THBS2: variants seen among roughly 807,000 people sequenced by gnomAD.
The protein encoded by THBS2 is thrombospondin-2.
A neutral mutation model predicts 135.2 loss-of-function variants in THBS2; 47 were observed. The ratio of observed to expected loss-of-function variants is 0.35; its 90% CI spans 0.28 to 0.44. The LOEUF is 0.44. THBS2 is among the 20% of genes least tolerant of loss of function. The pLI, the probability that THBS2 is intolerant of heterozygous loss-of-function variation, is 1.00. For synonymous variants in THBS2, 639 were observed against 633.8 expected, an observed-to-expected ratio of 1.01 and a Z score of -0.12; for missense variants, 1,288 against 1,603.1, an observed-to-expected ratio of 0.80 and a Z score of 3.36.
In THBS2 at chr6:169,225,304, T is replaced by G. The variant is rs745911024; in HGVS notation, c.2614A>C (p.Asn872His). Residue 872 changes from asparagine to histidine, a missense_variant, in exon 17 of 22, where the codon AAC becomes CAC. Around this residue, in one of 2 missense-constraint regions of THBS2, gnomAD observed 874 missense variants for 1,156.1 expected, o/e 0.76. Transcript: ENST00000617924. The part of the protein sequence containing the change: ...EDIDDDGHQN[N>H]QDNCPYISNA... ...GAGATGTAGGGGCAGTTGTCCTGGT[T>G]GTTCTGGTGGCCGTCGTCATCTATG... The G allele has an allele frequency of 3.8e-6, 6 of 1,592,416 alleles. No individual in the cohort carries two copies. Among genetic ancestry groups the G allele is most frequent in the Non-Finnish European group, 3.4e-6 (4 of 1,169,096 alleles).
chr6:169,227,190 G>A (rs1779660305), intron 15 of THBS2, among the ~76,000 whole-genome samples: 1 of 152,170 alleles, frequency 6.6e-6, no homozygotes, highest in South Asian at 2.1e-4. Context: ...GCTGGCGCCG[G>A]GCTGGGAAGA....
At position 169,240,517 on chromosome 6, in the gene THBS2, C is replaced by A. The variant is rs764690862; in HGVS notation, c.967G>T (p.Asp323Tyr). ...KTRNMSACWQ[D>Y]GRFFAENETW... The stretch of plus-strand genomic sequence containing the variant: ...TCATTTTCCGCAAAGAACCGGCCAT[C>A]CTGCCAGCAAGCTGACATGTTCCTT... The change falls in exon 6 of 22, where the codon GAT (aspartate) becomes TAT (tyrosine). Residue 323 changes from aspartate (D) to tyrosine (Y), a missense_variant. Transcript: ENST00000617924. The A allele has an allele frequency of 2.3e-5, 37 of 1,614,000 alleles. No homozygotes were observed. The highest frequency in any genetic ancestry group is 3.1e-5 in the Non-Finnish European group (37 of 1,180,024).
chr6:169,223,994 G>C (rs879380282), intron 17 of THBS2, among the ~76,000 whole-genome samples: 2 of 152,182 alleles, frequency 1.3e-5, no homozygotes, highest in Admixed American at 6.5e-5. Flanking sequence ...TTGTGGCATG[G>C]TGGGGAGTGG....
chr6:169,246,123 A>C, intron 4 of THBS2, 74 bp downstream of exon 4: 1 of 1,302,000 alleles, frequency 7.7e-7, no homozygotes, highest in East Asian at 2.3e-5. Flanking sequence ...ACATACACAC[A>C]CACACATACA....
intron 14 of THBS2, among the ~76,000 whole-genome samples, chr6:169,229,260 T>C (rs1779748624): frequency 6.6e-6 from 1 of 152,266 alleles, no homozygotes; most frequent in Non-Finnish European, 1.5e-5. Context: ...CTATCACTCA[T>C]GGTGGTGTCA....
chr6:169,249,811 A>C (rs1360860487), intron 2 of THBS2, among the ~76,000 whole-genome samples: 1 of 152,142 alleles, frequency 6.6e-6, no homozygotes, highest in Non-Finnish European at 1.5e-5. Flanking sequence ...TGGGTGGATC[A>C]TGAGGTCAGG....
intron 14 of THBS2, 85 bp from the exon 15 acceptor site, chr6:169,228,366 A>G (rs1583408464): frequency 6.8e-7 from 1 of 1,477,576 alleles, no homozygotes. Context: ...TATGTACTCA[A>G]GGTTGATGAA....
chr6:169,243,287 A>G (rs1446141083), intron 4 of THBS2, among the ~76,000 whole-genome samples: 1 of 152,104 alleles, frequency 6.6e-6, no homozygotes, highest in East Asian at 1.9e-4. Context: ...TAATTTACAA[A>G]TTGACCTGAG....
Position 169,217,979 on chromosome 6 carries a change from ATGGGTGGATGGATGAGATGGG to A in THBS2, c.3512-171_3512-151del, listed in dbSNP as rs957810196. The A allele has an allele frequency of 3.5e-4, 194 of 553,324 alleles. 2 individuals are homozygous for A. The highest frequency in any genetic ancestry group is 4.9e-4 in the Non-Finnish European group (166 of 341,606). The allele number at this position is 553,324 out of a possible 1,614,324, so 34.3% of individuals were successfully genotyped here. A position where few individuals can be genotyped will look rare whatever the true frequency, so the allele number is the denominator to read the frequency against. Reference sequence around the variant, plus strand: ...ATGGATGGATGGATGGATGAAATGGATGGGTGGATGGATGAGATGGGTGGGTGGATGGATGAGATGGGTCGG... The same window carrying A: ...ATGGATGGATGGATGGATGAAATGGATGGGTGGATGGATGAGATGGGTCGG... On this transcript the variant is annotated intron_variant, in intron 21 of 21. Transcript: ENST00000617924.
At chr6:169,225,521 G>A in intron 16 of THBS2, 142 bp from the exon 17 acceptor site, 1 of 781,576 alleles carries the variant, frequency 1.3e-6, no homozygotes, top group East Asian at 2.7e-5. Context: ...GCTGGCCCGA[G>A]GTCACACTGA....
chr6:169,241,965 G>A lies in THBS2; in HGVS notation c.695-7C>T, dbSNP rs375182565. The A allele has an allele frequency of 2.7e-5, 44 of 1,602,330 alleles. No homozygotes were observed. The African/African-American group carries it at 5.2e-4, about 19-fold the overall frequency. ...CTGATGGCGTTGATCTCAGCTGAGG[G>A]CAAGCGTAGAAGGGCCGTGAGCATC... is the stretch of plus-strand genomic sequence containing the variant. On this transcript the variant is annotated splice_region_variant and splice_polypyrimidine_tract_variant and intron_variant, in intron 4 of 21. Coordinates refer to ENST00000617924, the MANE Select transcript of THBS2 (RefSeq NM_003247.5). This position sits in a 1 kb window ranked among gnomAD's most constrained non-coding sequence, Gnocchi z 5.5.
At chr6:169,234,628 T>A in intron 10 of THBS2, 106 bp downstream of exon 10, 1 of 1,182,856 alleles carries the variant, frequency 8.5e-7, no homozygotes, top group Non-Finnish European at 1.1e-6. Flanking sequence ...GCAACTAAAA[T>A]TGATTTTTCT....
At chr6:169,238,736 C>G (rs765795813) in intron 7 of THBS2, among the ~76,000 whole-genome samples, 26 of 152,244 alleles carry the variant, frequency 1.7e-4, no homozygotes, top group Non-Finnish European at 2.9e-4. Context: ...AGAGCGTGAG[C>G]TCTGAGTCCC....
chr6:169,234,624 A>G, intron 10 of THBS2, 110 bp downstream of exon 10: 1 of 1,157,576 alleles, frequency 8.6e-7, no homozygotes, highest in Non-Finnish European at 1.2e-6. Flanking sequence ...GTGTGCAACT[A>G]AAATTGATTT....
chr6:169,229,918 C>T (rs566538376), intron 13 of THBS2, among the ~76,000 whole-genome samples: 3 of 152,194 alleles, frequency 2.0e-5, no homozygotes, highest in East Asian at 1.9e-4. Context: ...AACTTGTGTT[C>T]GGAGCCCAGA....
rs546096700 is a variant in THBS2, at chr6:169,240,348, G to A, written c.1032+104C>T. 3.6e-5 allele frequency: 53 copies of A among 1,455,944 alleles called. No homozygotes were observed. In the Admixed American group the frequency reaches 4.8e-4, roughly 13 times the overall value. 90.2% of individuals were successfully genotyped at this position (1,455,944 alleles called of 1,614,324 possible). On this transcript the variant is annotated intron_variant, in intron 6 of 21. Coordinates refer to ENST00000617924, the MANE Select transcript of THBS2 (RefSeq NM_003247.5). ...TGAAATTTCCTCACATAGCTGAACC[G>A]GTTTCACACATCAGCACTGAACGCT...
At chr6:169,227,972 T>A in intron 15 of THBS2, 150 bp downstream of exon 15, 1 of 901,318 alleles carries the variant, frequency 1.1e-6, no homozygotes, top group Admixed American at 3.0e-5. Flanking sequence ...TCCCAGCTAC[T>A]CAGGAGGCTG....
At position 169,232,663 on chromosome 6, in the gene THBS2, C is replaced by T; in HGVS notation, c.1932+1G>A. Reference sequence around the variant, plus strand: ...ACACAAGGAAGGCCGGCCTTGCGTACTTGCTTTTCCGTCTTGGCTGCTTCC... The same window carrying T: ...ACACAAGGAAGGCCGGCCTTGCGTATTTGCTTTTCCGTCTTGGCTGCTTCC... On this transcript the variant is annotated splice_donor_variant, in intron 12 of 21. Coordinates refer to ENST00000617924, the MANE Select transcript of THBS2 (RefSeq NM_003247.5). LOFTEE classifies it high-confidence loss of function. The T allele has an allele frequency of 6.3e-7, 1 of 1,598,144 alleles. No homozygotes were observed. The highest frequency in any genetic ancestry group is 8.5e-7 in the Non-Finnish European group (1 of 1,172,742).
chr6:169,219,912 G>A, intron 21 of THBS2: 3 of 578,610 alleles, frequency 5.2e-6, no homozygotes, highest in Non-Finnish European at 9.7e-6. Flanking sequence ...TGGAAGTGGA[G>A]GAAATCTAGG....
Sources: gnomAD v4.1 joint callset for allele counts (sites outside exome capture counted in the v4.1 genomes callset) on GRCh38, gnomAD v4.1.1 for gene constraint, gnomAD v4.1.1 regional missense constraint, Gnocchi (gnomAD v3.1) non-coding constraint, MANE v1.5 for transcripts, NCBI Gene and HGNC (gene_info 2026-07-23, HGNC 2026-07-21) for gene names.